The following CACNA1D variants were observed in gnomAD, a reference collection of about 807,000 sequenced individuals.
CACNA1D encodes voltage-dependent L-type calcium channel subunit alpha-1D.
CACNA1D carries 55 observed loss-of-function variants against 257.1 expected under a neutral mutation model. The ratio of observed to expected loss-of-function variants is 0.21; its 90% CI spans 0.17 to 0.27. The LOEUF (loss-of-function observed/expected upper bound fraction) is 0.27. CACNA1D is among the 10% of genes least tolerant of loss of function. The probability of loss-of-function intolerance (pLI) is 1.00; values close to 1 mark genes in which losing one functional copy is unlikely to be tolerated. For synonymous variants in CACNA1D, 980 were observed against 1,014.9 expected (o/e 0.97, Z 0.65); for missense variants, 1,876 against 2,784.0 (o/e 0.67, Z 7.34).
chr3:53,512,224 G>A (rs1057453928), intron 3 of CACNA1D, among the ~76,000 whole-genome samples: 1 of 152,190 alleles, frequency 6.6e-6, no homozygotes, highest in Non-Finnish European at 1.5e-5. Flanking sequence ...TATCTGGTGG[G>A]AGTGAAATTA....
At chr3:53,609,424 A>C (rs1049790336) in intron 3 of CACNA1D, among the ~76,000 whole-genome samples, 2 of 151,892 alleles carry the variant, frequency 1.3e-5, no homozygotes, top group East Asian at 1.9e-4. Context: ...AAAAAAAAAA[A>C]AAAAAAAAAC....
At chr3:53,778,406 CCTGTG>C (rs1439842238) in intron 37 of CACNA1D, among the ~76,000 whole-genome samples, 1 of 152,140 alleles carries the variant, frequency 6.6e-6, no homozygotes, top group Non-Finnish European at 1.5e-5. Context: ...TCCCTGGCTG[CCTGTG>C]CTGGTTTTGA....
chr3:53,675,680 A>C (rs1257106195), intron 8 of CACNA1D, among the ~76,000 whole-genome samples: 2 of 152,226 alleles, frequency 1.3e-5, no homozygotes, highest in Non-Finnish European at 2.9e-5. Flanking sequence ...GAGGTACCCA[A>C]AGCTGGAGGA....
At chr3:53,749,613 CA>C (rs1270121659) in intron 27 of CACNA1D, 144 bp downstream of exon 27, 1 of 688,770 alleles carries the variant, frequency 1.5e-6, no homozygotes, top group African/African-American at 1.8e-5. Context: ...AGCACACCCT[CA>C]GCCCATTTGA....
At chr3:53,748,642 A>G (rs2095194866) in intron 26 of CACNA1D, among the ~76,000 whole-genome samples, 1 of 152,144 alleles carries the variant, frequency 6.6e-6, no homozygotes, top group African/African-American at 2.4e-5. Flanking sequence ...TACCTCCCTG[A>G]ATATTCCTAT....
chr3:53,498,819 T>C (rs1228326611), intron 2 of CACNA1D, among the ~76,000 whole-genome samples: 1 of 152,230 alleles, frequency 6.6e-6, no homozygotes. Flanking sequence ...AGGGTAGGAT[T>C]TGAGGGGTTC....
intron 6 of CACNA1D, 75 bp from the exon 7 acceptor site, chr3:53,666,264 G>T (rs2094262155): frequency 7.1e-7 from 1 of 1,412,022 alleles, no homozygotes; most frequent in Non-Finnish European, 1.0e-6. Context: ...TCTGGCAAGG[G>T]TTCTCACCTT....
chr3:53,576,317 A>G (rs1275855292), intron 3 of CACNA1D, among the ~76,000 whole-genome samples: 1 of 152,242 alleles, frequency 6.6e-6, no homozygotes, highest in African/African-American at 2.4e-5. Flanking sequence ...CAAAATGGCA[A>G]CCAATGAAAG....
intron 3 of CACNA1D, among the ~76,000 whole-genome samples, chr3:53,607,840 A>G (rs1485782596): frequency 6.6e-6 from 1 of 152,186 alleles, no homozygotes; most frequent in Non-Finnish European, 1.5e-5. Flanking sequence ...TAAATTATGT[A>G]TGTGTGTTTA....
chr3:53,770,175 C>T (rs1027500159), intron 31 of CACNA1D, among the ~76,000 whole-genome samples, 158 bp downstream of exon 31: 19 of 152,222 alleles, frequency 1.2e-4, no homozygotes, highest in Admixed American at 5.2e-4. Flanking sequence ...GTACTCTTGA[C>T]CAGCCCAGCG....
At chr3:53,513,046 A>G (rs1433586789) in intron 3 of CACNA1D, among the ~76,000 whole-genome samples, 2 of 152,234 alleles carry the variant, frequency 1.3e-5, no homozygotes, top group African/African-American at 4.8e-5. Context: ...AGAGCTGGCT[A>G]ACAAATGCAG....
At chr3:53,643,818 G>C (rs1003986526) in intron 3 of CACNA1D, among the ~76,000 whole-genome samples, 2 of 152,222 alleles carry the variant, frequency 1.3e-5, no homozygotes, top group African/African-American at 4.8e-5. Context: ...CATGTGGACT[G>C]CTCTTCGCCC....
chr3:53,525,802 C>T (rs2091742431), intron 3 of CACNA1D, among the ~76,000 whole-genome samples: 1 of 151,952 alleles, frequency 6.6e-6, no homozygotes, highest in South Asian at 2.1e-4. Context: ...AGCTCTGGTC[C>T]CAGGTAGTGA....
chr3:53,698,406 G>C (rs1434008784), intron 8 of CACNA1D, among the ~76,000 whole-genome samples: 1 of 152,188 alleles, frequency 6.6e-6, no homozygotes, highest in Non-Finnish European at 1.5e-5. Context: ...TTTGTTTGTA[G>C]TTCATCCCTC....
chr3:53,517,953 G>A (rs1321364583), intron 3 of CACNA1D, among the ~76,000 whole-genome samples: 1 of 152,250 alleles, frequency 6.6e-6, no homozygotes, highest in Admixed American at 6.5e-5. Context: ...AGTTTTAAGT[G>A]TGAGCTTAAT....
intron 32 of CACNA1D, 125 bp from the exon 33 acceptor site, chr3:53,772,708 A>G (rs775421371): frequency 2.1e-5 from 16 of 753,416 alleles, no homozygotes; most frequent in Admixed American, 3.8e-5. Context: ...CACTGTCGAT[A>G]TTCTTTCACG....
At position 53,618,401 on chromosome 3, in the gene CACNA1D, ACAGTTGCTG is replaced by A. The variant is rs1024705878; in HGVS notation, c.484-32376_484-32368del. On this transcript the variant is annotated intron_variant, in intron 3 of 47. Coordinates refer to ENST00000350061, the MANE Select transcript of CACNA1D (RefSeq NM_001128840.3). Reference sequence around the variant, plus strand: ...TGATGCGGAGACTTCCCTGGCAGCCACAGTTGCTGCTGTTGCTGCTGCCTGGTCAGAGTT... The same window carrying A: ...TGATGCGGAGACTTCCCTGGCAGCCACTGTTGCTGCTGCCTGGTCAGAGTT... Among the ~76,000 whole-genome samples, 6 of 152,222 alleles carry A rather than the reference ACAGTTGCTG, an allele frequency of 3.9e-5. No individual in the cohort carries two copies. The East Asian group carries it at 1.2e-3, about 29-fold the overall frequency.
At chr3:53,587,611 T>C (rs139142573) in intron 3 of CACNA1D, among the ~76,000 whole-genome samples, 2 of 152,270 alleles carry the variant, frequency 1.3e-5, no homozygotes, top group Non-Finnish European at 2.9e-5. Flanking sequence ...TCCAGATTCA[T>C]TGCCACAAAG....
At chr3:53,590,837 T>G (rs948729822) in intron 3 of CACNA1D, among the ~76,000 whole-genome samples, 6 of 152,192 alleles carry the variant, frequency 3.9e-5, no homozygotes, top group African/African-American at 1.4e-4. Flanking sequence ...TGAGAAGCAC[T>G]GAGCACTTGG....
Sources: allele counts gnomAD v4.1 joint callset (sites outside exome capture counted in the v4.1 genomes callset), GRCh38; gene constraint gnomAD v4.1.1; transcripts MANE v1.5; gene names NCBI Gene and HGNC (gene_info 2026-07-23, HGNC 2026-07-21).